Variants in FHIT observed in about 807,000 individuals in gnomAD.
The protein encoded by FHIT is bis(5'-adenosyl)-triphosphatase.
Under a neutral mutation model 17.9 loss-of-function variants are expected in FHIT, and 19 were observed. The ratio of observed to expected loss-of-function variants is 1.06; its 90% confidence interval spans 0.74 to 1.56. The LOEUF (loss-of-function observed/expected upper bound fraction) is 1.56, where lower values mean the gene tolerates loss of function less well. FHIT is among the 40% of genes most tolerant of loss of function. The probability of loss-of-function intolerance (pLI) is 0.00; values close to 1 mark genes in which losing one functional copy is unlikely to be tolerated. For missense variants in FHIT, 248 were observed against 189.2 expected (o/e 1.31, Z -1.82); for synonymous variants, 81 against 69.7 (o/e 1.16, Z -0.81).
At chr3:60,799,228 G>T (rs183034371) in intron 4 of FHIT, among the ~76,000 whole-genome samples, 2 of 152,142 alleles carry the variant, frequency 1.3e-5, no homozygotes, top group African/African-American at 2.4e-5. Flanking sequence ...AGGCTAGAGT[G>T]CAATGGCGCA....
At chr3:60,472,327 T>C (rs2033129087) in intron 5 of FHIT, among the ~76,000 whole-genome samples, 1 of 152,090 alleles carries the variant, frequency 6.6e-6, no homozygotes, top group African/African-American at 2.4e-5. Context: ...GTCTTCAAAC[T>C]ACATGCCCAC....
intron 3 of FHIT, among the ~76,000 whole-genome samples, chr3:60,907,001 T>C (rs1706462205): frequency 6.6e-6 from 1 of 152,036 alleles, no homozygotes; most frequent in Non-Finnish European, 1.5e-5. Flanking sequence ...TGTATAATAA[T>C]ACAAAGAGAA....
intron 5 of FHIT, among the ~76,000 whole-genome samples, chr3:60,419,589 T>C (rs762571201): frequency 6.6e-5 from 10 of 152,226 alleles, no homozygotes; most frequent in Admixed American, 3.3e-4. Flanking sequence ...GGTGGGCTCA[T>C]TGACTTTTGC....
intron 5 of FHIT, among the ~76,000 whole-genome samples, chr3:60,078,585 A>T (rs1283975211): frequency 5.9e-5 from 9 of 152,146 alleles, no homozygotes; most frequent in Non-Finnish European, 1.3e-4. Context: ...CAAATAAAAG[A>T]CAATGGCAGC....
chr3:61,209,152 T>C (rs2039361795), intron 1 of FHIT, among the ~76,000 whole-genome samples: 1 of 151,980 alleles, frequency 6.6e-6, no homozygotes, highest in Non-Finnish European at 1.5e-5. Context: ...GCCCCCACTC[T>C]CTTCTGGCTT....
intron 4 of FHIT, among the ~76,000 whole-genome samples, chr3:60,610,092 T>G (rs2038738856): frequency 6.6e-6 from 1 of 152,172 alleles, no homozygotes; most frequent in Non-Finnish European, 1.5e-5. Context: ...ATTATATTTA[T>G]GCATATGAGT....
intron 5 of FHIT, among the ~76,000 whole-genome samples, chr3:60,412,932 T>A (rs1190751792): frequency 2.0e-5 from 3 of 152,144 alleles, no homozygotes; most frequent in Non-Finnish European, 4.4e-5. Flanking sequence ...CCTGCCACCA[T>A]GTAAGATGTG....
At chr3:60,575,854 G>A (rs554549759) in intron 4 of FHIT, among the ~76,000 whole-genome samples, 1 of 152,206 alleles carries the variant, frequency 6.6e-6, no homozygotes, top group African/African-American at 2.4e-5. Context: ...ACTAGCAACG[G>A]GAGGAAGCCA....
At chr3:60,977,003 G>A (rs936835760) in intron 3 of FHIT, among the ~76,000 whole-genome samples, 1 of 151,996 alleles carries the variant, frequency 6.6e-6, no homozygotes, top group Non-Finnish European at 1.5e-5. Context: ...GAAAGAAATC[G>A]GACTTGTTTT....
intron 4 of FHIT, among the ~76,000 whole-genome samples, chr3:60,706,376 C>T (rs1553703572): frequency 2.0e-5 from 3 of 152,090 alleles, no homozygotes; most frequent in Admixed American, 6.6e-5. Flanking sequence ...GCACGTTCTG[C>T]ACATGTAACC....
At chr3:60,048,394 G>T (rs6779703) in intron 5 of FHIT, among the ~76,000 whole-genome samples, 73,674 of 151,906 alleles carry the variant, frequency 0.48, 19,197 homozygotes, top group Middle Eastern at 0.65. Flanking sequence ...GCCAGGATGG[G>T]CTCGATCTCC....
chr3:59,856,725 AAAATGG>A (rs1413249478), intron 8 of FHIT, among the ~76,000 whole-genome samples: 105 of 152,360 alleles, frequency 6.9e-4, no homozygotes, highest in African/African-American at 2.4e-3. Context: ...CCTTCTTTGC[AAAATGG>A]CTTTTTATAA....
chr3:60,581,009 T>G (rs1208437026), intron 4 of FHIT, among the ~76,000 whole-genome samples: 1 of 152,036 alleles, frequency 6.6e-6, no homozygotes, highest in Non-Finnish European at 1.5e-5. Flanking sequence ...ATTGCATAGT[T>G]CTAATAGGAT....
intron 8 of FHIT, among the ~76,000 whole-genome samples, chr3:59,876,565 G>A (rs1052889948): frequency 1.3e-5 from 2 of 152,148 alleles, no homozygotes; most frequent in African/African-American, 4.8e-5. Flanking sequence ...CAGTCTTCAA[G>A]AGAGAAGAGG....
chr3:59,839,855 C>T (rs1013464496), intron 8 of FHIT, among the ~76,000 whole-genome samples: 5 of 152,178 alleles, frequency 3.3e-5, no homozygotes, highest in African/African-American at 7.2e-5. Flanking sequence ...AAGTCCTGAA[C>T]ATTTTCTAAA....
chr3:61,216,565 C>T (rs2039681934), intron 1 of FHIT, among the ~76,000 whole-genome samples: 1 of 152,174 alleles, frequency 6.6e-6, no homozygotes, highest in African/African-American at 2.4e-5. Context: ...ACTAGTTCAA[C>T]CATTGTGGAA....
intron 5 of FHIT, among the ~76,000 whole-genome samples, chr3:60,284,191 A>G (rs1159646338): frequency 2.0e-5 from 3 of 152,084 alleles, no homozygotes; most frequent in African/African-American, 7.2e-5. Flanking sequence ...ACCTAAAAAG[A>G]CCCTTCATGA....
chr3:60,571,405 A>C (rs1206956298), intron 4 of FHIT, among the ~76,000 whole-genome samples: 1 of 151,570 alleles, frequency 6.6e-6, no homozygotes, highest in Non-Finnish European at 1.5e-5. Context: ...ATCAAGAAAA[A>C]AAATTGCCAT....
chr3:61,170,714 T>C (rs1184984915), intron 2 of FHIT, among the ~76,000 whole-genome samples: 1 of 152,232 alleles, frequency 6.6e-6, no homozygotes, highest in African/African-American at 2.4e-5. Context: ...TTGTTCTTTT[T>C]TTGGCTGCAT....
Sources: gnomAD v4.1 joint callset for allele counts (sites outside exome capture counted in the v4.1 genomes callset) on GRCh38, gnomAD v4.1.1 for gene constraint, MANE v1.5 for transcripts, NCBI Gene and HGNC (gene_info 2026-07-23, HGNC 2026-07-21) for gene names.